Variants in CCSER1 observed in about 807,000 individuals in gnomAD.
CCSER1 encodes coiled-coil serine rich protein 1.
A neutral mutation model predicts 82.0 loss-of-function variants in CCSER1; 41 were observed. That is an observed-to-expected ratio of 0.50 (90% CI 0.39 to 0.65). The LOEUF is 0.65. Among genes scored for constraint, CCSER1 ranks in the 30% least tolerant of loss-of-function variants. CCSER1 has a pLI of 0.00. For synonymous variants in CCSER1, 414 were observed against 383.9 expected (o/e 1.08, Z -0.92); for missense variants, 1,119 against 1,064.2 (o/e 1.05, Z -0.72).
intron 9 of CCSER1, among the ~76,000 whole-genome samples, chr4:90,978,062 C>T (rs939995207): frequency 1.3e-5 from 2 of 151,468 alleles, no homozygotes; most frequent in Non-Finnish European, 3.0e-5. Flanking sequence ...GCTGGATATT[C>T]GTTGATCTAC....
At chr4:90,959,732 C>T (rs1733875494) in intron 9 of CCSER1, among the ~76,000 whole-genome samples, 1 of 131,342 alleles carries the variant, frequency 7.6e-6, no homozygotes, top group South Asian at 2.4e-4. Flanking sequence ...AGTTCTGCCT[C>T]GGGTTTTCTT....
At chr4:90,345,883 C>A (rs1484690747) in intron 3 of CCSER1, among the ~76,000 whole-genome samples, 1 of 152,004 alleles carries the variant, frequency 6.6e-6, no homozygotes, top group Non-Finnish European at 1.5e-5. Context: ...CAGAAATTAA[C>A]CATTACTCTT....
At chr4:91,352,797 T>C (rs1483419009) in intron 10 of CCSER1, among the ~76,000 whole-genome samples, 1 of 152,184 alleles carries the variant, frequency 6.6e-6, no homozygotes, top group South Asian at 2.1e-4. Context: ...ATCTGCCATG[T>C]GCCAAACACT....
At chr4:91,576,147 A>G (rs951912755) in intron 10 of CCSER1, among the ~76,000 whole-genome samples, 4 of 151,970 alleles carry the variant, frequency 2.6e-5, no homozygotes, top group Admixed American at 2.0e-4. Context: ...TGATCTATCT[A>G]TCTATCAATC....
At chr4:91,444,218 T>C (rs1295371319) in intron 10 of CCSER1, among the ~76,000 whole-genome samples, 1 of 152,186 alleles carries the variant, frequency 6.6e-6, no homozygotes, top group Non-Finnish European at 1.5e-5. Flanking sequence ...AACATGAGAA[T>C]CTGAGTATTC....
At chr4:90,460,343 A>C (rs1000208379) in intron 4 of CCSER1, among the ~76,000 whole-genome samples, 3 of 147,648 alleles carry the variant, frequency 2.0e-5, no homozygotes, top group Non-Finnish European at 4.4e-5. Context: ...AAAAAAAAAA[A>C]AACTAAGGCA....
intron 7 of CCSER1, among the ~76,000 whole-genome samples, chr4:90,769,746 G>C (rs2149557343): frequency 6.6e-6 from 1 of 152,302 alleles, no homozygotes; most frequent in African/African-American, 2.4e-5. Context: ...ACCTGATTCA[G>C]ATGACAAGAT....
At chr4:90,237,822 C>T (rs931253949) in intron 1 of CCSER1, among the ~76,000 whole-genome samples, 1 of 152,128 alleles carries the variant, frequency 6.6e-6, no homozygotes, top group Non-Finnish European at 1.5e-5. Context: ...AGACTACTAC[C>T]ATAATAAGAT....
intron 10 of CCSER1, among the ~76,000 whole-genome samples, chr4:91,333,884 G>A (rs947891560): frequency 1.3e-5 from 2 of 152,002 alleles, no homozygotes; most frequent in Non-Finnish European, 2.9e-5. Flanking sequence ...AGTGACATAA[G>A]TCAGTGTAAT....
chr4:90,549,403 G>A (rs1165469314), intron 5 of CCSER1, among the ~76,000 whole-genome samples: 1 of 151,782 alleles, frequency 6.6e-6, no homozygotes, highest in Non-Finnish European at 1.5e-5. Context: ...GAGAAGTCAC[G>A]ATAAAAGTTT....
intron 4 of CCSER1, among the ~76,000 whole-genome samples, chr4:90,456,494 A>C (rs1762180100): frequency 6.6e-6 from 1 of 152,210 alleles, no homozygotes; most frequent in Admixed American, 6.5e-5. Context: ...GAGTTAGTTC[A>C]GAGGCCTTTG....
intron 10 of CCSER1, among the ~76,000 whole-genome samples, chr4:91,254,648 T>C (rs754257544): frequency 8.5e-5 from 13 of 152,116 alleles, no homozygotes; most frequent in Non-Finnish European, 1.8e-4. Flanking sequence ...TATGAATGTA[T>C]TTAATAGCAC....
At chr4:91,444,552 C>T (rs553968216) in intron 10 of CCSER1, among the ~76,000 whole-genome samples, 16 of 152,044 alleles carry the variant, frequency 1.1e-4, no homozygotes, top group South Asian at 4.2e-4. Context: ...TGGGTTCAAG[C>T]GATCCTCCTG....
At chr4:90,547,779 G>A (rs562479690) in intron 5 of CCSER1, among the ~76,000 whole-genome samples, 1 of 152,184 alleles carries the variant, frequency 6.6e-6, no homozygotes, top group African/African-American at 2.4e-5. Flanking sequence ...CTAGACATAA[G>A]ATAATTTGGC....
chr4:90,851,501 AT>A lies in CCSER1; in HGVS notation c.2094+35660del, dbSNP rs563220407. The stretch of plus-strand genomic sequence containing the variant: ...GCTGTCCAGTTTTTAAATGGTTGAG[AT>A]TTTACCCTTGTTCCAATGCAGCCCT... On this transcript the variant is annotated intron_variant, in intron 8 of 10. Transcript: ENST00000509176. Among the ~76,000 whole-genome samples, 647 of 148,230 alleles carry A rather than the reference AT, an allele frequency of 4.4e-3. 3 individuals are homozygous for A. Among genetic ancestry groups the A allele is most frequent in the Middle Eastern group, 0.014 (4 of 276 alleles).
intron 1 of CCSER1, among the ~76,000 whole-genome samples, chr4:90,221,238 C>T (rs1742093050): frequency 6.6e-6 from 1 of 151,990 alleles, no homozygotes; most frequent in South Asian, 2.1e-4. Context: ...ATCTTGGGAA[C>T]ATTGTGGAGA....
intron 8 of CCSER1, among the ~76,000 whole-genome samples, chr4:90,846,122 T>C (rs1763210189): frequency 6.6e-6 from 1 of 152,236 alleles, no homozygotes; most frequent in Admixed American, 6.5e-5. Context: ...ATCTCACATA[T>C]AAATTGAAAT....
chr4:91,489,717 G>C (rs2110066070), intron 10 of CCSER1, among the ~76,000 whole-genome samples: 1 of 152,190 alleles, frequency 6.6e-6, no homozygotes, highest in South Asian at 2.1e-4. Context: ...GAACCCAGGA[G>C]GCAGAGGTTG....
At chr4:91,227,294 A>C (rs778329842) in intron 10 of CCSER1, among the ~76,000 whole-genome samples, 1 of 151,962 alleles carries the variant, frequency 6.6e-6, no homozygotes, top group Non-Finnish European at 1.5e-5. Flanking sequence ...TTAGTTAAAA[A>C]AAAAGGAAAC....
Sources: gnomAD v4.1 joint callset for allele counts (sites outside exome capture counted in the v4.1 genomes callset) on GRCh38, gnomAD v4.1.1 for gene constraint, MANE v1.5 for transcripts, NCBI Gene and HGNC (gene_info 2026-07-23, HGNC 2026-07-21) for gene names.